The following MFAP4 variants were observed in gnomAD, a reference collection of about 807,000 sequenced individuals.
The protein encoded by MFAP4 is microfibril-associated glycoprotein 4.
Under a neutral mutation model 32.4 loss-of-function variants are expected in MFAP4, and 20 were observed. The observed-to-expected ratio is 0.62, with a 90% CI of 0.43 to 0.90. The LOEUF is 0.90. Among genes scored for constraint, MFAP4 ranks in the 40% least tolerant of loss-of-function variants. The pLI, the probability that MFAP4 is intolerant of heterozygous loss-of-function variation, is 0.00. For missense variants in MFAP4, 267 were observed against 329.5 expected (o/e 0.81, Z 1.47); for synonymous variants, 146 against 137.4 (o/e 1.06, Z -0.44).
At chr17:19,386,275 A>G in intron 3 of MFAP4, 35 bp downstream of exon 3, 1 of 1,521,246 alleles carries the variant, frequency 6.6e-7, no homozygotes, top group South Asian at 1.2e-5. Context: ...TGGGATTAGA[A>G]CCAGCTCTGG....
Position 19,385,260 on chromosome 17 carries a change from A to G in MFAP4, c.359T>C (p.Leu120Pro). Reference sequence around the variant, plus strand: ...CAGCTCATACTTCTGCTTCAGTGTCAGGAGGTGCATGTTCTGCAGCCCTGG... The same window carrying G: ...CAGCTCATACTTCTGCTTCAGTGTCGGGAGGTGCATGTTCTGCAGCCCTGG... ...YWLGLQNMHLLTLKQKYELRV... is the reference protein window; with the variant it reads ...YWLGLQNMHLPTLKQKYELRV... Residue 120 changes from leucine to proline, a missense_variant, in exon 5 of 6, where the codon CTG becomes CCG. By Grantham distance (98) the Leu-to-Pro change is moderately conservative. Coordinates refer to ENST00000299610, the MANE Select transcript of MFAP4 (RefSeq NM_002404.3). The G allele has an allele frequency of 3.7e-6, 6 of 1,614,256 alleles. No individual in the cohort carries two copies. Among genetic ancestry groups the G allele is most frequent in the Non-Finnish European group, 5.1e-6 (6 of 1,180,040 alleles).
In MFAP4 at chr17:19,386,427, A is replaced by G. The variant is rs1913037108; in HGVS notation, c.123T>C (p.Cys41=). 3.7e-6 allele frequency: 6 copies of G among 1,613,992 alleles called. No homozygotes were observed. Among genetic ancestry groups the G allele is most frequent in the Non-Finnish European group, 5.1e-6 (6 of 1,179,950 alleles). The change falls in exon 3 of 6, where the codon TGT becomes TGC. Residue 41 remains cysteine, a synonymous_variant. Coordinates refer to ENST00000299610, the MANE Select transcript of MFAP4 (RefSeq NM_002404.3). ...GGTAGCCCTGGGCATAGATGTCGTC[A>G]CAGTCCAGGGGTTGCTGAAGGCAAA... ...ERFCLQQPLD[C]DDIYAQGYQS...
chr17:19,384,345 C>A lies in MFAP4; in HGVS notation c.*117G>T. Reference sequence around the variant, plus strand: ...GCATGGCTGAGAGCCACAAGGCCCCCTTGTAAGGAGTTGGTGCTCGGGAAT... The same window carrying A: ...GCATGGCTGAGAGCCACAAGGCCCCATTGTAAGGAGTTGGTGCTCGGGAAT... On this transcript the variant is annotated 3_prime_UTR_variant, in exon 6 of 6. Transcript: ENST00000299610. 2 of 1,289,066 alleles carry A rather than the reference C, an allele frequency of 1.6e-6. No homozygotes were observed. The highest frequency in any genetic ancestry group is 1.5e-5 in the South Asian group (1 of 68,084). The allele number at this position is 1,289,066 out of a possible 1,614,324, so 79.9% of individuals were successfully genotyped here. A position where few individuals can be genotyped will look rare whatever the true frequency, so the allele number is the denominator to read the frequency against.
chr17:19,386,166 G>T, intron 3 of MFAP4, 144 bp downstream of exon 3: 1 of 737,228 alleles, frequency 1.4e-6, no homozygotes, highest in Non-Finnish European at 2.1e-6. Context: ...AGAATTAAGC[G>T]TTGGCAGCTG....
chr17:19,386,977 G>GTCCC, intron 1 of MFAP4, 139 bp from the exon 2 acceptor site: 2 of 689,458 alleles, frequency 2.9e-6, no homozygotes, highest in South Asian at 1.8e-5. Context: ...CCTCTTCCCT[G>GTCCC]CCCCCCCACC....
At chr17:19,386,730 G>C in intron 2 of MFAP4, 30 bp downstream of exon 2, 1 of 1,555,068 alleles carries the variant, frequency 6.4e-7, no homozygotes, top group African/African-American at 1.4e-5. Context: ...CTGTGGGCCA[G>C]GCCGCGTCTG....
At chr17:19,385,584 GGAGGGTGGT>G in intron 3 of MFAP4, 130 bp from the exon 4 acceptor site, 1 of 754,092 alleles carries the variant, frequency 1.3e-6, no homozygotes, top group Non-Finnish European at 2.2e-6. Flanking sequence ...TTGGGGGTGG[GGAGGGTGGT>G]GGGAGTGGGG....
In MFAP4 at chr17:19,386,828, G is replaced by A; in HGVS notation, c.17C>T (p.Ala6Val). Residue 6 changes from alanine to valine, a missense_variant, in exon 2 of 6, where the codon GCC becomes GTC. Physicochemically the swap from Ala to Val is moderately conservative, Grantham distance 64. Around this residue, in one of 3 missense-constraint regions of MFAP4, gnomAD observed 223 missense variants for 253.3 expected, o/e 0.88. Transcript: ENST00000299610. MKALLALPLLLLLSTP... is the reference protein window; with the variant it reads MKALLVLPLLLLLSTP... ...GGAGAGAAGCAGCAGCAGCGGCAGG[G>A]CCAGGAGTGCCTGGCGATGGGCAGA... is the stretch of plus-strand genomic sequence containing the variant. 6.4e-7 allele frequency: 1 copy of A among 1,562,706 alleles called. No individual in the cohort carries two copies. The highest frequency in any genetic ancestry group is 1.2e-5 in the South Asian group (1 of 84,890).
At position 19,386,348 on chromosome 17, in the gene MFAP4, C is replaced by G; in HGVS notation, c.202G>C (p.Val68Leu). Residue 68 changes from valine to leucine, a missense_variant, in exon 3 of 6, where the codon GTC becomes CTC. Physicochemically the swap from Val to Leu is conservative, Grantham distance 32 (BLOSUM62 1). Coordinates refer to ENST00000299610, the MANE Select transcript of MFAP4 (RefSeq NM_002404.3). ...YPSGPSVPVPVFCDMTTEGGK... is the reference protein window; with the variant it reads ...YPSGPSVPVPLFCDMTTEGGK... ...CCCTCGGTGGTCATGTCACAGAAGA[C>G]GGGCACAGGCACACTGGGGCCCGAG... The G allele has an allele frequency of 6.2e-7, 1 of 1,612,008 alleles. No individual in the cohort carries two copies. The highest frequency in any genetic ancestry group is 1.3e-5 in the African/African-American group (1 of 74,872).
chr17:19,386,472 T>A lies in MFAP4; in HGVS notation c.86-8A>T, dbSNP rs371622405. The A allele has an allele frequency of 6.2e-7, 1 of 1,609,918 alleles. No homozygotes were observed. Among genetic ancestry groups the A allele is most frequent in the Non-Finnish European group, 8.5e-7 (1 of 1,177,772 alleles). On this transcript the variant is annotated splice_region_variant and splice_polypyrimidine_tract_variant and intron_variant, in intron 2 of 5. Coordinates refer to ENST00000299610, the MANE Select transcript of MFAP4 (RefSeq NM_002404.3). The stretch of plus-strand genomic sequence containing the variant: ...GGCAAAACCTCTCCAGAGCTGGGGG[T>A]AGGGACATGGGGACAGTGAGGAGAG...
rs1326996720 is a variant in MFAP4 at position 19,383,660 on chromosome 17, C to T, written c.*802G>A. The T allele has an allele frequency of 6.5e-6, 1 of 154,884 alleles. No homozygotes were observed. The highest frequency in any genetic ancestry group is 2.4e-5 in the African/African-American group (1 of 41,462). 9.6% of individuals were successfully genotyped at this position (154,884 alleles called of 1,614,324 possible). On this transcript the variant is annotated 3_prime_UTR_variant, in exon 6 of 6. Transcript: ENST00000299610. ...TATGTTTGTGTGTATGAAGCCAGTT[C>T]ATTCAGGTTCTGAAGGTTTATTGAG...
chr17:19,385,538 C>G, intron 3 of MFAP4, 84 bp from the exon 4 acceptor site: 1 of 1,269,058 alleles, frequency 7.9e-7, no homozygotes, highest in South Asian at 1.2e-5. Flanking sequence ...AAGCATGGAC[C>G]CTGTGATGCT....
chr17:19,385,047 C>T, intron 5 of MFAP4, 52 bp downstream of exon 5: 1 of 1,580,442 alleles, frequency 6.3e-7, no homozygotes, highest in Non-Finnish European at 8.6e-7. Context: ...GCAGGGCCAG[C>T]CCTGCCTTCT....
chr17:19,386,972 T>TGGCGGGGGGCCCCCCCCCCCCCC, intron 1 of MFAP4, 134 bp from the exon 2 acceptor site: 3 of 937,014 alleles, frequency 3.2e-6, no homozygotes, highest in Non-Finnish European at 5.1e-6. Context: ...TGGCCCCTCT[T>TGGCGGGGGGCCCCCCCCCCCCCC]CCCTGCCCCC....
chr17:19,384,579 G>C lies in MFAP4; in HGVS notation c.651C>G (p.Leu217=). 6.2e-7 allele frequency: 1 copy of C among 1,614,188 alleles called. No homozygotes were observed. Among genetic ancestry groups the C allele is most frequent in the Non-Finnish European group, 8.5e-7 (1 of 1,180,030 alleles). The change falls in exon 6 of 6, where the codon CTC becomes CTG. Residue 217 remains leucine, a synonymous_variant. Coordinates refer to ENST00000299610, the MANE Select transcript of MFAP4 (RefSeq NM_002404.3). ...GGGAGCCACCTAGGTAGAAGCCATT[G>C]AGGTTGGCAAAGTGGCAGCTGCGGA... is the stretch of plus-strand genomic sequence containing the variant. The part of the protein sequence containing the change: ...FWFRSCHFAN[L]NGFYLGGSHL...
intron 5 of MFAP4, 139 bp downstream of exon 5, chr17:19,384,960 T>TGG: frequency 4.1e-6 from 5 of 1,220,550 alleles, no homozygotes; most frequent in Non-Finnish European, 5.7e-6. Flanking sequence ...TGGTTTGAGC[T>TGG]TGTTTGGAGC....
rs773632608 is a variant in MFAP4 at position 19,386,352 on chromosome 17, C to T, written c.198G>A (p.Val66=). 2.5e-6 allele frequency: 4 copies of T among 1,613,162 alleles called. No homozygotes were observed. Among genetic ancestry groups the T allele is most frequent in the African/African-American group, 1.3e-5 (1 of 75,012 alleles). The part of the protein sequence containing the change: ...LIYPSGPSVP[V]PVFCDMTTEG... ...CGGTGGTCATGTCACAGAAGACGGG[C>T]ACAGGCACACTGGGGCCCGAGGGGT... The change falls in exon 3 of 6, where the codon GTG becomes GTA. Residue 66 remains valine, a synonymous_variant. Coordinates refer to ENST00000299610, the MANE Select transcript of MFAP4 (RefSeq NM_002404.3).
rs758148104 is a variant in MFAP4 at position 19,386,479 on chromosome 17, A to G, written c.86-15T>C. 25 of 1,606,396 alleles carry G rather than the reference A, an allele frequency of 1.6e-5. No homozygotes were observed. Among genetic ancestry groups the G allele is most frequent in the East Asian group, 4.5e-5 (2 of 44,800 alleles). On this transcript the variant is annotated splice_polypyrimidine_tract_variant and intron_variant, in intron 2 of 5. Coordinates refer to ENST00000299610, the MANE Select transcript of MFAP4 (RefSeq NM_002404.3). Reference sequence around the variant, plus strand: ...CCTCTCCAGAGCTGGGGGTAGGGACATGGGGACAGTGAGGAGAGTGGGACT... The same window carrying G: ...CCTCTCCAGAGCTGGGGGTAGGGACGTGGGGACAGTGAGGAGAGTGGGACT...
In MFAP4 at chr17:19,385,342, C is replaced by G; in HGVS notation, c.337+16G>C. 1 of 1,614,244 alleles carries G rather than the reference C, an allele frequency of 6.2e-7. No homozygotes were observed. The highest frequency in any genetic ancestry group is 8.5e-7 in the Non-Finnish European group (1 of 1,180,034). On this transcript the variant is annotated intron_variant, in intron 4 of 5. Transcript: ENST00000299610. ...GCCCTGGGGCAGCCCCTCAGCCCAC[C>G]TGGTCCCTGCCTTACCCAGCCAGTA...
Sources: gnomAD v4.1 joint callset for allele counts on GRCh38, gnomAD v4.1.1 for gene constraint, gnomAD v4.1.1 regional missense constraint, MANE v1.5 for transcripts, NCBI Gene and HGNC (gene_info 2026-07-23, HGNC 2026-07-21) for gene names.